The following MAGEB16 variants were observed in gnomAD, a reference collection of about 807,000 sequenced individuals.
The protein encoded by MAGEB16 is MAGE family member B16.
For missense variants in MAGEB16, 217 were observed against 234.0 expected (o/e 0.93, Z 0.47); for synonymous variants, 95 against 92.1 (o/e 1.03, Z -0.18).
intron 1 of MAGEB16, among the ~76,000 whole-genome samples, chrX:35,799,463 A>C (rs373925388): frequency 1.8e-5 from 2 of 111,608 alleles, no homozygotes; most frequent in South Asian, 7.5e-4. Context: ...CCTCCCTGGG[A>C]GACTCACCCT....
exon 2 of MAGEB16, chrX:35,803,364 G>A: frequency 2.8e-6 from 1 of 360,658 alleles, no homozygotes; most frequent in Non-Finnish European, 4.9e-6. Context: ...TATTTTGTAT[G>A]TGTAACTTGA....
At chrX:35,799,851 C>T (rs1295634598) in intron 1 of MAGEB16, among the ~76,000 whole-genome samples, 2 of 111,863 alleles carry the variant, frequency 1.8e-5, no homozygotes, top group Admixed American at 9.4e-5. Context: ...GGTCAGCCCT[C>T]GGAGACCCCT....
intron 1 of MAGEB16, chrX:35,798,681 A>G (rs1007523307): frequency 9.0e-6 from 1 of 111,546 alleles, no homozygotes; most frequent in Admixed American, 9.5e-5. Flanking sequence ...TGGCGGACAC[A>G]CTGAGTGAGG....
chrX:35,802,371 G>T lies in MAGEB16; in HGVS notation c.175G>T (p.Glu59Ter). The T allele has an allele frequency of 8.3e-7, 1 of 1,208,711 alleles. No homozygotes were observed. The change falls in exon 2 of 2, where the codon GAG becomes TAG. Residue 59 changes from glutamate to a stop codon, truncating the protein, a stop_gained. Transcript: ENST00000399988. LOFTEE classifies it low-confidence loss of function (END_TRUNC). ...GAAGGAAGCTCCTGCTGCTAAGGCA[G>T]AGAGTCCTCTTGAGGTTCCTCAGAG... is the stretch of plus-strand genomic sequence containing the variant.
exon 2 of MAGEB16, chrX:35,802,352 A>G: frequency 8.3e-7 from 1 of 1,209,575 alleles, no homozygotes; most frequent in Non-Finnish European, 1.1e-6. Context: ...AACTGAAGGA[A>G]GCTCCTGCTG....
At chrX:35,803,178 G>A (rs1366533356) in exon 2 of MAGEB16, 10 of 1,150,516 alleles carry the variant, frequency 8.7e-6, no homozygotes, top group Non-Finnish European at 1.2e-5. Flanking sequence ...TTGAGTCAGG[G>A]CTGACTCCAT....
chrX:35,803,072 G>C (rs769326086), exon 2 of MAGEB16: 1 of 1,210,189 alleles, frequency 8.3e-7, no homozygotes, highest in African/African-American at 1.7e-5. Context: ...AAGTCCTGGA[G>C]TTTGTGGCCA....
At chrX:35,803,530 T>C (rs1934886130) in exon 2 of MAGEB16, 1 of 155,137 alleles carries the variant, frequency 6.4e-6, no homozygotes, top group Non-Finnish European at 1.4e-5. Context: ...TTGCTGATTT[T>C]GTAAAACAGA....
Position 35,802,067 on chromosome X carries a change from C to T in MAGEB16, c.-66-64C>T, listed in dbSNP as rs899509092. ...GGAGAAGTCTATAGGCAGTGGCTTC[C>T]ATCAGAGCTACCGCAGTTGAGTTTA... is the stretch of plus-strand genomic sequence containing the variant. On this transcript the variant is annotated intron_variant, in intron 1 of 1. Coordinates refer to ENST00000399988, the Ensembl canonical transcript of MAGEB16. The T allele has an allele frequency of 3.7e-6, 3 of 817,070 alleles. No homozygotes were observed. The African/African-American group carries it at 6.2e-5, about 17-fold the overall frequency. The allele number at this position is 817,070 out of a possible 1,213,427, so 67.3% of individuals were successfully genotyped here.
chrX:35,799,995 G>A (rs929453070), intron 1 of MAGEB16, among the ~76,000 whole-genome samples: 5 of 111,249 alleles, frequency 4.5e-5, no homozygotes, highest in African/African-American at 1.6e-4. Context: ...TTCAAAGTAA[G>A]GATGTGGACT....
chrX:35,803,599 T>G (rs1057298598), exon 2 of MAGEB16: 1 of 128,980 alleles, frequency 7.8e-6, no homozygotes, highest in African/African-American at 3.2e-5. Context: ...CTAAGAACTC[T>G]GCTTTTAAAT....
chrX:35,798,400 G>A (rs74837303), exon 1 of MAGEB16: 1 of 110,782 alleles, frequency 9.0e-6, no homozygotes, highest in African/African-American at 3.3e-5. Context: ...AGTCGCTGCA[G>A]GCACTGTCAG....
At chrX:35,801,046 G>A (rs973220275) in intron 1 of MAGEB16, among the ~76,000 whole-genome samples, 1 of 111,659 alleles carries the variant, frequency 9.0e-6, no homozygotes, top group Non-Finnish European at 1.9e-5. Flanking sequence ...GGGAGCACTG[G>A]GCAGGGATCA....
At chrX:35,802,726 C>T (rs1342532386) in exon 2 of MAGEB16, 1 of 1,211,396 alleles carries the variant, frequency 8.3e-7, no homozygotes, top group Non-Finnish European at 1.1e-6. Context: ...GACCCCACCA[C>T]CCATTGCTAT....
exon 2 of MAGEB16, chrX:35,802,307 C>T: frequency 8.3e-7 from 1 of 1,209,704 alleles, no homozygotes; most frequent in South Asian, 1.8e-5. Context: ...TGGAGAAGAC[C>T]CTCCTCTCCT....
At chrX:35,800,866 C>T (rs1359031328) in intron 1 of MAGEB16, among the ~76,000 whole-genome samples, 1 of 111,514 alleles carries the variant, frequency 9.0e-6, no homozygotes, top group East Asian at 2.8e-4. Context: ...ATTTCATACA[C>T]TGGGGTCTTA....
At chrX:35,802,859 T>C (rs1312161338) in exon 2 of MAGEB16, 2 of 1,211,856 alleles carry the variant, frequency 1.7e-6, no homozygotes, top group Admixed American at 4.3e-5. Context: ...ACCGTGCCAC[T>C]GAAGAGGAAG....
chrX:35,802,807 G>A, exon 2 of MAGEB16: 4 of 1,211,579 alleles, frequency 3.3e-6, no homozygotes, highest in Non-Finnish European at 4.5e-6. Flanking sequence ...CCCAAGACTG[G>A]CCTCCTGATA....
intron 1 of MAGEB16, among the ~76,000 whole-genome samples, chrX:35,799,201 T>G (rs1934841890): frequency 9.1e-6 from 1 of 110,398 alleles, no homozygotes; most frequent in Admixed American, 9.7e-5. Context: ...GTTTTAAGGT[T>G]CTGCAGGCTC....
Sources: gnomAD v4.1 joint callset for allele counts (sites outside exome capture counted in the v4.1 genomes callset) on GRCh38, gnomAD v4.1.1 for gene constraint, MANE v1.5 for transcripts, NCBI Gene and HGNC (gene_info 2026-07-23, HGNC 2026-07-21) for gene names.